ANXA8: variants seen among roughly 807,000 people sequenced by gnomAD.
ANXA8 encodes the protein annexin A8, also known as VAC-beta.
In ANXA8, 9 loss-of-function variants were observed where a neutral mutation model predicts 26.8. The ratio of observed to expected loss-of-function variants is 0.34; its 90% CI spans 0.20 to 0.59. The LOEUF (loss-of-function observed/expected upper bound fraction) is 0.59, where lower values mean the gene tolerates loss of function less well. Among genes scored for constraint, ANXA8 ranks in the 20% least tolerant of loss-of-function variants. The pLI, the probability that ANXA8 is intolerant of heterozygous loss-of-function variation, is 0.84. For missense variants in ANXA8, 83 were observed against 238.5 expected, an observed-to-expected ratio of 0.35 and a Z score of 4.29; for synonymous variants, 39 against 94.8, an observed-to-expected ratio of 0.41 and a Z score of 3.42.
the ANXA8 span, among the ~76,000 whole-genome samples, chr10:47,988,811 G>C: frequency 1.3e-5 from 2 of 151,770 alleles, no homozygotes; most frequent in Non-Finnish European, 2.9e-5. Flanking sequence ...AGGCTCTCCT[G>C]TTCCCAAAGT....
At chr10:47,525,799 A>G in the ANXA8 span, among the ~76,000 whole-genome samples, 123 of 113,664 alleles carry the variant, frequency 1.1e-3, 7 homozygotes, top group African/African-American at 4.0e-3. Flanking sequence ...CTTGCTGAAC[A>G]CTATTTTTTT....
the ANXA8 span, among the ~76,000 whole-genome samples, chr10:47,937,821 C>T: frequency 6.8e-6 from 1 of 147,260 alleles, no homozygotes; most frequent in Non-Finnish European, 1.5e-5. Flanking sequence ...AGATCATGTT[C>T]CTGTAAAGGA....
At chr10:47,983,017 A>G in the ANXA8 span, among the ~76,000 whole-genome samples, 1 of 118,656 alleles carries the variant, frequency 8.4e-6, no homozygotes, top group Admixed American at 9.2e-5. Context: ...AGGAAAGCGC[A>G]AATAGAACCG....
the ANXA8 span, among the ~76,000 whole-genome samples, chr10:47,918,372 AGAGAG>A: frequency 1.1e-3 from 22 of 20,158 alleles, no homozygotes; most frequent in African/African-American, 5.4e-3. Flanking sequence ...AGAGAGAGAG[AGAGAG>A]AGAGAGAGAA....
At chr10:47,698,253 A>ATGT in the ANXA8 span, among the ~76,000 whole-genome samples, 2 of 142,094 alleles carry the variant, frequency 1.4e-5, no homozygotes, top group Admixed American at 1.4e-4. Context: ...AGAACTGGAA[A>ATGT]CAAAGTTCAG....
chr10:47,495,848 A>G, the ANXA8 span, among the ~76,000 whole-genome samples: 1 of 151,440 alleles, frequency 6.6e-6, no homozygotes, highest in Non-Finnish European at 1.5e-5. Context: ...CCAGGGGGGA[A>G]TCTTCACTGT....
the ANXA8 span, among the ~76,000 whole-genome samples, chr10:47,736,369 C>T: frequency 2.8e-5 from 2 of 72,476 alleles, no homozygotes; most frequent in African/African-American, 1.1e-4. Flanking sequence ...CCATATAGGC[C>T]AGTATCTAGT....
At chr10:47,626,066 T>C in the ANXA8 span, among the ~76,000 whole-genome samples, 3 of 150,490 alleles carry the variant, frequency 2.0e-5, 1 homozygote, top group African/African-American at 7.5e-5. Context: ...TTAAAGCCCA[T>C]TAACCTTTTA....
the ANXA8 span, among the ~76,000 whole-genome samples, chr10:47,742,894 C>G: frequency 1.4e-4 from 20 of 143,184 alleles, no homozygotes; most frequent in Non-Finnish European, 3.1e-4. Flanking sequence ...GTGGCTCACG[C>G]CTGTAATCCC....
the ANXA8 span, among the ~76,000 whole-genome samples, chr10:47,950,986 A>G: frequency 0.32 from 46,018 of 144,098 alleles, 2,987 homozygotes; most frequent in South Asian, 0.41. Flanking sequence ...ACAATGTAAT[A>G]GAAAAAGGAA....
At chr10:47,669,574 G>T in the ANXA8 span, among the ~76,000 whole-genome samples, 1 of 151,696 alleles carries the variant, frequency 6.6e-6, no homozygotes, top group Non-Finnish European at 1.5e-5. Flanking sequence ...AATTAACCCG[G>T]TGTGGTGGTG....
chr10:47,606,968 G>A, the ANXA8 span, among the ~76,000 whole-genome samples: 1 of 151,970 alleles, frequency 6.6e-6, no homozygotes, highest in Non-Finnish European at 1.5e-5. Context: ...AGCACTTTTT[G>A]TCTTCAAACT....
the ANXA8 span, among the ~76,000 whole-genome samples, chr10:47,981,592 TACAAGA>T: frequency 9.2e-6 from 1 of 109,278 alleles, no homozygotes; most frequent in African/African-American, 3.3e-5. Context: ...AGATTGCAGA[TACAAGA>T]ACAATATGAA....
the ANXA8 span, among the ~76,000 whole-genome samples, chr10:47,734,935 C>T: frequency 8.0e-6 from 1 of 124,774 alleles, no homozygotes. Context: ...AGGAGAATTG[C>T]TTGAACCTGG....
chr10:47,734,596 T>C, the ANXA8 span, among the ~76,000 whole-genome samples: 2 of 140,522 alleles, frequency 1.4e-5, no homozygotes, highest in Admixed American at 1.4e-4. Context: ...AGTCAAGAAA[T>C]TGAAGATTGT....
At chr10:47,700,047 A>G in the ANXA8 span, among the ~76,000 whole-genome samples, 3 of 152,016 alleles carry the variant, frequency 2.0e-5, no homozygotes, top group Non-Finnish European at 4.4e-5. Context: ...GTTCTTGGAT[A>G]GGATGACTCA....
At chr10:47,639,311 ATTATT>A in the ANXA8 span, among the ~76,000 whole-genome samples, 1 of 59,556 alleles carries the variant, frequency 1.7e-5, no homozygotes, top group Non-Finnish European at 3.4e-5. Context: ...TATTATTATT[ATTATT>A]TTTTTTTTTT....
chr10:47,710,880 C>A, the ANXA8 span, among the ~76,000 whole-genome samples: 1 of 124,636 alleles, frequency 8.0e-6, no homozygotes, highest in South Asian at 2.7e-4. Context: ...TTTTGTACCT[C>A]TTGTAGCAAT....
the ANXA8 span, among the ~76,000 whole-genome samples, chr10:47,701,518 T>C: frequency 5.0e-4 from 76 of 151,940 alleles, no homozygotes; most frequent in African/African-American, 1.7e-3. Context: ...ACTATGCAGC[T>C]GTACAAAAAG....
Sources: gnomAD v4.1 joint callset for allele counts (sites outside exome capture counted in the v4.1 genomes callset) on GRCh38, gnomAD v4.1.1 for gene constraint, MANE v1.5 for transcripts, NCBI Gene and HGNC (gene_info 2026-07-23, HGNC 2026-07-21) for gene names.